Variants in DPRX observed in about 807,000 individuals in gnomAD.
DPRX encodes the protein divergent-paired related homeobox.
A neutral mutation model predicts 8.4 loss-of-function variants in DPRX; 11 were observed. The observed-to-expected ratio is 1.31, with a 90% CI of 0.82 to 2.17. DPRX has a LOEUF of 2.17. DPRX is among the 30% of genes most tolerant of loss of function. The pLI, the probability that DPRX is intolerant of heterozygous loss-of-function variation, is 0.00. For synonymous variants in DPRX, 72 were observed against 87.0 expected, an observed-to-expected ratio of 0.83 and a Z score of 0.96; for missense variants, 211 against 236.7, an observed-to-expected ratio of 0.89 and a Z score of 0.71.
chr19:53,614,520 G>C, the DPRX span, among the ~76,000 whole-genome samples: 2 of 151,732 alleles, frequency 1.3e-5, no homozygotes, highest in African/African-American at 2.4e-5. Flanking sequence ...GCAACATAGC[G>C]AGACCCTCAT....
At chr19:53,617,159 C>A in the DPRX span, 1 of 1,101,946 alleles carries the variant, frequency 9.1e-7, no homozygotes, top group Non-Finnish European at 1.4e-6. Context: ...CAATAGATTT[C>A]TTCTTCTATT....
chr19:53,623,217 G>A, the DPRX span, among the ~76,000 whole-genome samples: 1 of 152,144 alleles, frequency 6.6e-6, no homozygotes, highest in Non-Finnish European at 1.5e-5. Flanking sequence ...TGAGGCAGGA[G>A]AATGGCGTGA....
the DPRX span, among the ~76,000 whole-genome samples, chr19:53,609,694 C>T: frequency 2.6e-5 from 4 of 151,804 alleles, no homozygotes; most frequent in East Asian, 1.9e-4. Context: ...GGCAAAACCC[C>T]GTCTCTACTA....
chr19:53,634,601 C>T, exon 2 of DPRX: 1 of 1,613,944 alleles, frequency 6.2e-7, no homozygotes, highest in African/African-American at 1.3e-5. Flanking sequence ...ATCTGAACAT[C>T]TTGTTCAATG....
the DPRX span, among the ~76,000 whole-genome samples, chr19:53,621,195 C>T: frequency 1.3e-5 from 2 of 152,000 alleles, no homozygotes; most frequent in Admixed American, 1.3e-4. Context: ...TGCAGGGGCA[C>T]AATTAAGGTT....
At chr19:53,627,959 G>A (rs1179738135), upstream of DPRX, among the ~76,000 whole-genome samples, 5 of 151,780 alleles carry the variant, frequency 3.3e-5, no homozygotes, top group African/African-American at 9.7e-5. Context: ...TTGAATCCGG[G>A]AGGCGGAGGT....
the DPRX span, among the ~76,000 whole-genome samples, chr19:53,623,596 C>T: frequency 6.6e-6 from 1 of 151,492 alleles, no homozygotes; most frequent in East Asian, 1.9e-4. Context: ...AGAGATTGCA[C>T]CATTGCACTC....
upstream of DPRX, chr19:53,629,802 T>C (rs1600568946): frequency 6.6e-6 from 1 of 150,754 alleles, no homozygotes; most frequent in South Asian, 2.1e-4. Context: ...TAGGCTGTAA[T>C]GTGCTCTGCC....
At chr19:53,628,488 G>A (rs986756364), upstream of DPRX, among the ~76,000 whole-genome samples, 6 of 152,056 alleles carry the variant, frequency 3.9e-5, no homozygotes, top group South Asian at 2.1e-4. Context: ...GGTGACATAC[G>A]AATAACATAT....
At chr19:53,636,681 T>C in exon 3 of DPRX, 1 of 1,614,086 alleles carries the variant, frequency 6.2e-7, no homozygotes, top group Non-Finnish European at 8.5e-7. Context: ...CAACCGCCAA[T>C]ACCAGAGGGT....
chr19:53,601,619 T>C, the DPRX span, among the ~76,000 whole-genome samples: 435 of 151,872 alleles, frequency 2.9e-3, 1 homozygote, highest in Non-Finnish European at 4.6e-3. Context: ...GTAGCTGGGA[T>C]TACCGGCACA....
At chr19:53,618,810 G>A in the DPRX span, among the ~76,000 whole-genome samples, 1 of 151,614 alleles carries the variant, frequency 6.6e-6, no homozygotes, top group South Asian at 2.1e-4. Context: ...AGCCTCCCAA[G>A]TAGCTGGGAT....
upstream of DPRX, chr19:53,629,964 T>TG (rs2091085330): frequency 3.3e-5 from 5 of 152,010 alleles, no homozygotes; most frequent in Admixed American, 3.3e-4. Flanking sequence ...CCCAGCACTT[T>TG]GGGAGGCCAA....
upstream of DPRX, among the ~76,000 whole-genome samples, chr19:53,627,696 C>T (rs928370486): frequency 1.3e-5 from 2 of 150,492 alleles, no homozygotes; most frequent in African/African-American, 2.4e-5. Context: ...ACCTCGGCCT[C>T]CCAAAGTGCT....
chr19:53,630,809 C>G (rs2091089718), upstream of DPRX, among the ~76,000 whole-genome samples: 1 of 151,904 alleles, frequency 6.6e-6, no homozygotes, highest in Non-Finnish European at 1.5e-5. Context: ...AAAAGGTATA[C>G]ATGGTGTGAG....
chr19:53,633,131 AC>A (rs67235739), intron 1 of DPRX, among the ~76,000 whole-genome samples: 56,132 of 151,870 alleles, frequency 0.37, 10,494 homozygotes, highest in East Asian at 0.49. Context: ...CGTTGTCTCT[AC>A]AAAAAATACA....
chr19:53,625,643 CTT>C, the DPRX span, among the ~76,000 whole-genome samples: 4 of 145,182 alleles, frequency 2.8e-5, no homozygotes, highest in African/African-American at 2.5e-5. Flanking sequence ...CTCATAATTC[CTT>C]TTTTTTTTTT....
the DPRX span, among the ~76,000 whole-genome samples, chr19:53,609,047 A>C: frequency 6.6e-6 from 1 of 151,996 alleles, no homozygotes; most frequent in Non-Finnish European, 1.5e-5. Context: ...ATTCATTTGG[A>C]AACAAAAAGA....
chr19:53,632,995 C>A (rs755805080), intron 1 of DPRX, among the ~76,000 whole-genome samples: 2 of 152,010 alleles, frequency 1.3e-5, no homozygotes, highest in African/African-American at 4.8e-5. Context: ...AGGCATGATG[C>A]GATTCAGATC....
Sources: gnomAD v4.1 joint callset for allele counts (sites outside exome capture counted in the v4.1 genomes callset) on GRCh38, gnomAD v4.1.1 for gene constraint, MANE v1.5 for transcripts, NCBI Gene and HGNC (gene_info 2026-07-23, HGNC 2026-07-21) for gene names.